Variants in KCNIP1 observed in about 807,000 individuals in gnomAD.
The protein encoded by KCNIP1 is A-type potassium channel modulatory protein KCNIP1.
Under a neutral mutation model 33.0 loss-of-function variants are expected in KCNIP1, and 18 were observed. The observed-to-expected ratio is 0.55, with a 90% CI of 0.38 to 0.81. The LOEUF is 0.81. Ranked by LOEUF, KCNIP1 falls within the 30% of genes least tolerant of loss-of-function variation. The pLI is 0.00. For missense variants in KCNIP1, 238 were observed against 271.6 expected, an observed-to-expected ratio of 0.88 and a Z score of 0.87; for synonymous variants, 93 against 98.3, an observed-to-expected ratio of 0.95 and a Z score of 0.32.
intron 1 of KCNIP1, chr5:170,383,490 C>T (rs547680960): frequency 2.4e-4 from 162 of 661,800 alleles, no homozygotes; most frequent in African/African-American, 1.4e-3. Flanking sequence ...AGCCAGTTAG[C>T]GGCAGATTCA....
chr5:170,677,464 C>G (rs1360457076), intron 1 of KCNIP1, among the ~76,000 whole-genome samples: 1 of 152,144 alleles, frequency 6.6e-6, no homozygotes, highest in African/African-American at 2.4e-5. Flanking sequence ...AAACTGGCTC[C>G]TTTTGGAGCT....
intron 1 of KCNIP1, among the ~76,000 whole-genome samples, chr5:170,648,070 A>G (rs879741246): frequency 6.6e-6 from 1 of 152,218 alleles, no homozygotes; most frequent in Non-Finnish European, 1.5e-5. Flanking sequence ...TAAAACAATG[A>G]TGAGATGCCA....
intron 1 of KCNIP1, among the ~76,000 whole-genome samples, chr5:170,542,233 A>C (rs1375863830): frequency 2.0e-5 from 3 of 152,216 alleles, no homozygotes; most frequent in Non-Finnish European, 2.9e-5. Context: ...GGAGAGAGAA[A>C]GATGGATTGG....
intron 1 of KCNIP1, among the ~76,000 whole-genome samples, chr5:170,610,339 C>A (rs949465133): frequency 5.3e-5 from 8 of 152,170 alleles, no homozygotes; most frequent in African/African-American, 1.9e-4. Flanking sequence ...ATTATAAACA[C>A]CATCATGTAC....
intron 1 of KCNIP1, among the ~76,000 whole-genome samples, chr5:170,458,138 A>T (rs1239776489): frequency 6.6e-6 from 1 of 152,170 alleles, no homozygotes; most frequent in African/African-American, 2.4e-5. Flanking sequence ...ACCCAATCCA[A>T]AAAAGACAAA....
chr5:170,541,176 G>T (rs1472406733), intron 1 of KCNIP1, among the ~76,000 whole-genome samples: 1 of 152,100 alleles, frequency 6.6e-6, no homozygotes, highest in Non-Finnish European at 1.5e-5. Flanking sequence ...CAATGGTAGG[G>T]GTGGGAAAAG....
chr5:170,367,608 C>G (rs570322111), intron 1 of KCNIP1, among the ~76,000 whole-genome samples: 1 of 152,214 alleles, frequency 6.6e-6, no homozygotes, highest in East Asian at 1.9e-4. Flanking sequence ...CTTGTAAAAC[C>G]AAAGGAGACC....
At chr5:170,669,786 A>G (rs1030649568) in intron 1 of KCNIP1, 2 of 377,976 alleles carry the variant, frequency 5.3e-6, no homozygotes, top group Admixed American at 6.4e-5. Context: ...AGTGAAAAAC[A>G]ACATCTGAGC....
chr5:170,718,082 A>G (rs568791859), intron 1 of KCNIP1, among the ~76,000 whole-genome samples: 2 of 152,332 alleles, frequency 1.3e-5, no homozygotes, highest in East Asian at 3.9e-4. Context: ...ATCTTATATT[A>G]CATTATAGTC....
intron 1 of KCNIP1, among the ~76,000 whole-genome samples, chr5:170,549,444 T>C (rs1048731892): frequency 2.6e-5 from 4 of 152,196 alleles, no homozygotes; most frequent in African/African-American, 9.7e-5. Flanking sequence ...TAATTCACCA[T>C]CCCTCAACCC....
At chr5:170,486,543 C>G (rs1322523410) in intron 1 of KCNIP1, 1 of 152,210 alleles carries the variant, frequency 6.6e-6, no homozygotes, top group Non-Finnish European at 1.5e-5. Context: ...ACTGATTTAT[C>G]CTTAAGAAAT....
intron 1 of KCNIP1, among the ~76,000 whole-genome samples, chr5:170,618,474 A>AGAAG (rs200741878): frequency 1.6e-5 from 2 of 123,352 alleles, no homozygotes; most frequent in Non-Finnish European, 3.3e-5. Flanking sequence ...AAGAAAGGAA[A>AGAAG]GAAGGAAGGA....
At chr5:170,585,692 C>T (rs542701650) in intron 1 of KCNIP1, among the ~76,000 whole-genome samples, 28 of 152,232 alleles carry the variant, frequency 1.8e-4, no homozygotes, top group Admixed American at 5.2e-4. Flanking sequence ...ATAATGGCAT[C>T]GTGAATAGAG....
chr5:170,667,040 G>A (rs7706223), intron 1 of KCNIP1, among the ~76,000 whole-genome samples: 3,407 of 152,352 alleles, frequency 0.022, 133 homozygotes, highest in African/African-American at 0.076. Flanking sequence ...TCGGCTGGGC[G>A]TGGTGGCTCA....
intron 1 of KCNIP1, among the ~76,000 whole-genome samples, chr5:170,598,257 T>TG (rs1324393931): frequency 6.6e-6 from 1 of 152,130 alleles, no homozygotes; most frequent in African/African-American, 2.4e-5. Context: ...CAAGGGAAGC[T>TG]GGGAGGAGGC....
intron 1 of KCNIP1, among the ~76,000 whole-genome samples, chr5:170,439,139 G>A (rs1215041388): frequency 6.6e-6 from 1 of 152,190 alleles, no homozygotes; most frequent in Non-Finnish European, 1.5e-5. Context: ...GCCTGGGGAA[G>A]ACTGAACAGC....
chr5:170,577,651 T>C (rs990778870), intron 1 of KCNIP1, among the ~76,000 whole-genome samples: 3 of 152,244 alleles, frequency 2.0e-5, no homozygotes, highest in Non-Finnish European at 2.9e-5. Context: ...ATTCTGTTAA[T>C]GAATTTTCGG....
chr5:170,715,051 A>G (rs145479636), intron 1 of KCNIP1, among the ~76,000 whole-genome samples: 10 of 152,312 alleles, frequency 6.6e-5, no homozygotes, highest in African/African-American at 2.4e-4. Context: ...TAAGTGCCCT[A>G]ATAGTTGTAC....
chr5:170,705,471 G>T (rs34019210), intron 1 of KCNIP1, among the ~76,000 whole-genome samples: 12 of 152,052 alleles, frequency 7.9e-5, no homozygotes, highest in Non-Finnish European at 1.8e-4. Context: ...GGGCAGAGGA[G>T]CCAGAGCCAG....
Sources: gnomAD v4.1 joint callset for allele counts (sites outside exome capture counted in the v4.1 genomes callset) on GRCh38, gnomAD v4.1.1 for gene constraint, MANE v1.5 for transcripts, NCBI Gene and HGNC (gene_info 2026-07-23, HGNC 2026-07-21) for gene names.